The following PHF2 variants were observed in gnomAD, a reference collection of about 807,000 sequenced individuals.
PHF2 encodes the protein lysine-specific demethylase PHF2.
Under a neutral mutation model 120.5 loss-of-function variants are expected in PHF2, and 27 were observed. That is an observed-to-expected ratio of 0.22 (90% CI 0.17 to 0.31). The LOEUF (loss-of-function observed/expected upper bound fraction) is 0.31. Ranked by LOEUF, PHF2 falls within the 10% of genes least tolerant of loss-of-function variation. The pLI is 1.00. For synonymous variants in PHF2, 568 were observed against 592.5 expected (o/e 0.96, Z 0.60); for missense variants, 1,024 against 1,434.8 (o/e 0.71, Z 4.63).
At chr9:93,605,584 A>G (rs146677212) in intron 1 of PHF2, among the ~76,000 whole-genome samples, 35 of 152,338 alleles carry the variant, frequency 2.3e-4, no homozygotes, top group African/African-American at 7.9e-4. Flanking sequence ...GCAGAATGTC[A>G]TGTAGTAGAC....
chr9:93,651,869 T>G (rs1461584178), intron 5 of PHF2, among the ~76,000 whole-genome samples: 1 of 152,088 alleles, frequency 6.6e-6, no homozygotes, highest in Non-Finnish European at 1.5e-5. Context: ...GTGTGTGGTG[T>G]TTGAAGGACA....
At position 93,607,374 on chromosome 9, in the gene PHF2, C is replaced by A. The variant is rs1392095373; in HGVS notation, c.99-22596C>A. ...GCAACCTCTACCTCCTGGGTTCAAG[C>A]GATCCTCCCACCTCAGCCTCCCGAG... On this transcript the variant is annotated intron_variant, in intron 1 of 21. Transcript: ENST00000359246. 3.3e-5 allele frequency among the ~76,000 whole-genome samples: 5 copies of A among 151,424 alleles called. No homozygotes were observed. In the South Asian group the frequency reaches 8.4e-4, roughly 25 times the overall value.
intron 1 of PHF2, among the ~76,000 whole-genome samples, chr9:93,583,888 G>A (rs1862981524): frequency 6.7e-6 from 1 of 149,616 alleles, no homozygotes; most frequent in Non-Finnish European, 1.5e-5. Flanking sequence ...CAGTACAATG[G>A]CGTGATCTCA....
chr9:93,639,848 G>A (rs1826148633), intron 3 of PHF2, among the ~76,000 whole-genome samples: 1 of 152,230 alleles, frequency 6.6e-6, no homozygotes, highest in African/African-American at 2.4e-5. Flanking sequence ...TGGGGACGAA[G>A]CCTGTGTTTT....
chr9:93,655,165 A>G (rs1406945278), intron 7 of PHF2, among the ~76,000 whole-genome samples: 2 of 152,158 alleles, frequency 1.3e-5, no homozygotes, highest in African/African-American at 2.4e-5. Context: ...TCTAAGTAAC[A>G]TAGCTGTAAT....
chr9:93,590,269 T>A (rs973283198), intron 1 of PHF2, among the ~76,000 whole-genome samples: 1 of 152,364 alleles, frequency 6.6e-6, no homozygotes, highest in African/African-American at 2.4e-5. Flanking sequence ...TCACTCACTT[T>A]TAAATCCTTT....
intron 1 of PHF2, among the ~76,000 whole-genome samples, chr9:93,627,782 TA>T (rs1171990162): frequency 6.6e-6 from 1 of 152,172 alleles, no homozygotes; most frequent in African/African-American, 2.4e-5. Context: ...ATCATTGTGT[TA>T]ATATGGTGTA....
chr9:93,599,960 G>A (rs1825409707), intron 1 of PHF2, among the ~76,000 whole-genome samples: 1 of 152,178 alleles, frequency 6.6e-6, no homozygotes, highest in South Asian at 2.1e-4. Context: ...GGACGTCCAC[G>A]GCCCTCATGC....
chr9:93,652,804 G>A (rs556878601), intron 5 of PHF2, among the ~76,000 whole-genome samples: 2 of 152,348 alleles, frequency 1.3e-5, no homozygotes, highest in African/African-American at 4.8e-5. Flanking sequence ...GCCGGGCTGA[G>A]TGTGAGAAAT....
rs1438961025 is a variant in PHF2 at position 93,678,360 on chromosome 9, C to T, written c.*684C>T. 6.5e-6 allele frequency: 1 copy of T among 152,676 alleles called. No individual in the cohort carries two copies. Among genetic ancestry groups the T allele is most frequent in the African/African-American group, 2.4e-5 (1 of 41,558 alleles). The allele number at this position is 152,676 out of a possible 1,614,324, so 9.5% of individuals were successfully genotyped here. A position where few individuals can be genotyped will look rare whatever the true frequency, so the allele number is the denominator to read the frequency against. ...GGCAGGGGAGCCATTGTGGGGTCCC[C>T]AGGAAAGGGCAAGGGCTCAGCCACA... On this transcript the variant is annotated 3_prime_UTR_variant, in exon 22 of 22. Transcript: ENST00000359246.
chr9:93,609,104 T>TTTTTTTTTTTTTTG (rs1564379539), intron 1 of PHF2, among the ~76,000 whole-genome samples: 1 of 149,658 alleles, frequency 6.7e-6, no homozygotes, highest in African/African-American at 2.4e-5. Flanking sequence ...GTGGTTGTTT[T>TTTTTTTTTTTTTTG]AAAATGTGCG....
At chr9:93,590,906 T>G (rs1368526366) in intron 1 of PHF2, among the ~76,000 whole-genome samples, 1 of 152,246 alleles carries the variant, frequency 6.6e-6, no homozygotes, top group Non-Finnish European at 1.5e-5. Flanking sequence ...GAATATCCCT[T>G]TATGATTTGT....
chr9:93,667,301 T>C, intron 17 of PHF2, 61 bp downstream of exon 17: 3 of 1,552,456 alleles, frequency 1.9e-6, no homozygotes, highest in Non-Finnish European at 1.7e-6. Context: ...GGGCTGGCCC[T>C]CGGCCATGAT....
intron 16 of PHF2, among the ~76,000 whole-genome samples, chr9:93,666,658 G>T (rs1159503672): frequency 6.6e-6 from 1 of 152,172 alleles, no homozygotes; most frequent in African/African-American, 2.4e-5. Flanking sequence ...CTGGCTGGGC[G>T]CAGAGCTCAC....
chr9:93,609,568 T>C (rs970451144), intron 1 of PHF2, among the ~76,000 whole-genome samples: 2 of 151,860 alleles, frequency 1.3e-5, no homozygotes, highest in African/African-American at 4.8e-5. Context: ...TTTTTTTTTC[T>C]TTCAACACTT....
At chr9:93,591,917 T>G (rs904258678) in intron 1 of PHF2, among the ~76,000 whole-genome samples, 1 of 152,228 alleles carries the variant, frequency 6.6e-6, no homozygotes, top group African/African-American at 2.4e-5. Context: ...TGCAGAGGCC[T>G]TGAGGCTCTG....
At position 93,641,718 on chromosome 9, in the gene PHF2, G is replaced by C. The variant is rs200935921; in HGVS notation, c.300-3911G>C. On this transcript the variant is annotated intron_variant, in intron 3 of 21. Coordinates refer to ENST00000359246, the MANE Select transcript of PHF2 (RefSeq NM_005392.4). ...TACTTGTCCTTACCAGACACTTTCT[G>C]CCATTCTGTGTTGTCTTTGTAGTTT... 3.9e-5 allele frequency among the ~76,000 whole-genome samples: 6 copies of C among 152,192 alleles called. No homozygotes were observed. In the East Asian group the frequency reaches 1.2e-3, roughly 29 times the overall value.
In PHF2 at chr9:93,656,016, G is replaced by A; in HGVS notation, c.1035G>A (p.Gln345=). 1 of 1,611,986 alleles carries A rather than the reference G, an allele frequency of 6.2e-7. No individual in the cohort carries two copies. Among genetic ancestry groups the A allele is most frequent in the Non-Finnish European group, 8.5e-7 (1 of 1,179,338 alleles). The stretch of plus-strand genomic sequence containing the variant: ...TCCACAGCCTGAGTGTGGAGATGCA[G>A]ATGAGGTAGTGCCTGCCGCGCTGTC... ...HFLHSLSVEM[Q]MRAYEVERRL... Residue 345 remains glutamine (Q), a synonymous_variant, in exon 8 of 22, where the codon CAG becomes CAA. Coordinates refer to ENST00000359246, the MANE Select transcript of PHF2 (RefSeq NM_005392.4). This position sits in a 1 kb window ranked among gnomAD's most constrained non-coding sequence, Gnocchi z 4.1.
chr9:93,658,168 C>T lies in PHF2; in HGVS notation c.1171C>T (p.Leu391=). The T allele has an allele frequency of 6.2e-7, 1 of 1,613,158 alleles. No homozygotes were observed. The highest frequency in any genetic ancestry group is 1.1e-5 in the South Asian group (1 of 90,798). The change falls in exon 10 of 22, where the codon CTG becomes TTG. Residue 391 remains leucine, a synonymous_variant. Coordinates refer to ENST00000359246, the MANE Select transcript of PHF2 (RefSeq NM_005392.4). ...FKGSHKSGKQ[L]PPHLVQGAKI... ...AGGCTCTCACAAATCTGGGAAGCAGCTGCCCCCTCATCTAGTCCAAGGAGC... is the reference window on the plus strand; with the variant it reads ...AGGCTCTCACAAATCTGGGAAGCAGTTGCCCCCTCATCTAGTCCAAGGAGC...
Sources: allele counts gnomAD v4.1 joint callset (sites outside exome capture counted in the v4.1 genomes callset), GRCh38; gene constraint gnomAD v4.1.1; non-coding constraint Gnocchi (gnomAD v3.1); transcripts MANE v1.5; gene names NCBI Gene and HGNC (gene_info 2026-07-23, HGNC 2026-07-21).